AP4M1: variants seen among roughly 807,000 people sequenced by gnomAD.
AP4M1 encodes AP-4 complex subunit mu-1.
In AP4M1, 58 loss-of-function variants were observed where a neutral mutation model predicts 62.4. The ratio of observed to expected loss-of-function variants is 0.93; its 90% CI spans 0.75 to 1.16. AP4M1 has a LOEUF of 1.16. AP4M1 is among the 50% of genes most tolerant of loss of function. The pLI is 0.00. For synonymous variants in AP4M1, 290 were observed against 239.7 expected (o/e 1.21, Z -1.94); for missense variants, 626 against 585.4 (o/e 1.07, Z -0.72).
intron 2 of AP4M1, chr7:100,102,399 T>A: frequency 2.3e-6 from 1 of 432,186 alleles, no homozygotes; most frequent in Non-Finnish European, 4.0e-6. Context: ...TCGGGGTAGG[T>A]GGGGGTGGGG....
chr7:100,105,733 G>A (rs1020967242), intron 11 of AP4M1, among the ~76,000 whole-genome samples, 194 bp downstream of exon 11: 1 of 151,590 alleles, frequency 6.6e-6, no homozygotes, highest in East Asian at 1.9e-4. Flanking sequence ...GATCACTTGA[G>A]CCCAGGAGTT....
In AP4M1 at chr7:100,108,567, G is replaced by C; in HGVS notation, c.*1685G>C. ...TGCAGAACAGAAAAAAAGCCAGGTA[G>C]AGGGAGGGCTGGGGAAAAAAGCCAG... On this transcript the variant is annotated 3_prime_UTR_variant, in exon 15 of 15. Transcript: ENST00000359593. 1.3e-6 allele frequency: 2 copies of C among 1,574,038 alleles called. No homozygotes were observed. The highest frequency in any genetic ancestry group is 1.7e-6 in the Non-Finnish European group (2 of 1,155,470).
At position 100,107,696 on chromosome 7, in the gene AP4M1, C is replaced by A; in HGVS notation, c.*814C>A. 1 of 1,563,612 alleles carries A rather than the reference C, an allele frequency of 6.4e-7. No homozygotes were observed. Among genetic ancestry groups the A allele is most frequent in the Admixed American group, 2.0e-5 (1 of 49,428 alleles). ...CCCCAGAGGCCTGGCGAGGACGCTTCACTCGCTCCCTGCCTGAACAAGTTG... is the reference window on the plus strand; with the variant it reads ...CCCCAGAGGCCTGGCGAGGACGCTTAACTCGCTCCCTGCCTGAACAAGTTG... On this transcript the variant is annotated 3_prime_UTR_variant, in exon 15 of 15. Transcript: ENST00000359593.
At position 100,101,648 on chromosome 7, in the gene AP4M1, G is replaced by A; in HGVS notation, c.-67G>A. 6.7e-7 allele frequency: 1 copy of A among 1,495,472 alleles called. No individual in the cohort carries two copies. The highest frequency in any genetic ancestry group is 9.3e-7 in the Non-Finnish European group (1 of 1,073,842). The allele number at this position is 1,495,472 out of a possible 1,614,324, so 92.6% of individuals were successfully genotyped here. A position where few individuals can be genotyped will look rare whatever the true frequency, so the allele number is the denominator to read the frequency against. The stretch of plus-strand genomic sequence containing the variant: ...AGGGCCAGCGCACACGCGTTCTTTT[G>A]TTCCGGGGCCGCAGGGCGGGGCAGG... On this transcript the variant is annotated 5_prime_UTR_variant, in exon 1 of 15. Transcript: ENST00000359593.
At position 100,103,689 on chromosome 7, in the gene AP4M1, C is replaced by A; in HGVS notation, c.540C>A (p.Asp180Glu). ...ASRPVLSSRS[D>E]QSQKNEVFLD... Reference sequence around the variant, plus strand: ...GCCCCGTCCTGTCCAGTCGCTCTGACCAGGTGAGGGAAGGATCCATGGGGT... The same window carrying A: ...GCCCCGTCCTGTCCAGTCGCTCTGAACAGGTGAGGGAAGGATCCATGGGGT... The change falls in exon 6 of 15, where the codon GAC (aspartate) becomes GAA (glutamate). Residue 180 changes from aspartate (D) to glutamate (E), a missense_variant. By Grantham distance (45) the Asp-to-Glu change is conservative. Coordinates refer to ENST00000359593, the MANE Select transcript of AP4M1 (RefSeq NM_004722.4). The A allele has an allele frequency of 6.2e-7, 1 of 1,612,100 alleles. No individual in the cohort carries two copies. Among genetic ancestry groups the A allele is most frequent in the Non-Finnish European group, 8.5e-7 (1 of 1,179,920 alleles).
intron 11 of AP4M1, 67 bp downstream of exon 11, chr7:100,105,606 C>T: frequency 6.8e-7 from 1 of 1,473,436 alleles, no homozygotes; most frequent in South Asian, 1.1e-5. Context: ...GTTCCCAAGA[C>T]TCACTGCAGA....
At position 100,107,977 on chromosome 7, in the gene AP4M1, TGGA is replaced by T. The variant is rs1476082930; in HGVS notation, c.*1101_*1103del. The T allele has an allele frequency of 1.9e-6, 3 of 1,613,870 alleles. No individual in the cohort carries two copies. Among genetic ancestry groups the T allele is most frequent in the Admixed American group, 3.3e-5 (2 of 59,994 alleles). On this transcript the variant is annotated 3_prime_UTR_variant, in exon 15 of 15. Transcript: ENST00000359593. ...ACGATGACATTACAATAAACTTGGT[TGGA>T]GGAGGGGAAGGCTGTGGTGGGGCAG...
intron 2 of AP4M1, 76 bp downstream of exon 2, chr7:100,102,044 G>T: frequency 2.6e-6 from 4 of 1,518,716 alleles, no homozygotes; most frequent in Non-Finnish European, 3.6e-6. Context: ...CCCAGGACTG[G>T]TTCATTGGTA....
At chr7:100,102,152 G>A in intron 2 of AP4M1, 184 bp downstream of exon 2, 1 of 686,076 alleles carries the variant, frequency 1.5e-6, no homozygotes, top group Non-Finnish European at 2.6e-6. Context: ...AGACCGAGGC[G>A]GGCGGATCAC....
At chr7:100,103,763 C>A in intron 6 of AP4M1, 71 bp downstream of exon 6, 2 of 1,523,160 alleles carry the variant, frequency 1.3e-6, no homozygotes, top group South Asian at 2.2e-5. Flanking sequence ...GATCTTAGGT[C>A]GGGCACAGCG....
Position 100,104,072 on chromosome 7 carries a change from A to G in AP4M1, c.544-20A>G. 1 of 1,613,062 alleles carries G rather than the reference A, an allele frequency of 6.2e-7. No individual in the cohort carries two copies. The highest frequency in any genetic ancestry group is 8.5e-7 in the Non-Finnish European group (1 of 1,179,264). On this transcript the variant is annotated intron_variant, in intron 6 of 14. Coordinates refer to ENST00000359593, the MANE Select transcript of AP4M1 (RefSeq NM_004722.4). ...TAGGCTATTCTGCTTCCAACCACCC[A>G]AATTCTCTCTCTTTCTCAGAGCCAA...
In AP4M1 at chr7:100,107,921, C is replaced by T; in HGVS notation, c.*1039C>T. The T allele has an allele frequency of 1.2e-6, 2 of 1,603,004 alleles. No homozygotes were observed. The highest frequency in any genetic ancestry group is 2.2e-5 in the East Asian group (1 of 44,782). ...AGATGCTCCCTGTCCCACAGCTCTG[C>T]ATACCTGCTGGGTGGATGGGGCGCT... On this transcript the variant is annotated 3_prime_UTR_variant, in exon 15 of 15. Coordinates refer to ENST00000359593, the MANE Select transcript of AP4M1 (RefSeq NM_004722.4).
chr7:100,107,417 G>T lies in AP4M1; in HGVS notation c.*535G>T. 1.9e-6 allele frequency: 3 copies of T among 1,608,454 alleles called. No individual in the cohort carries two copies. The highest frequency in any genetic ancestry group is 2.2e-5 in the South Asian group (2 of 90,916). On this transcript the variant is annotated 3_prime_UTR_variant, in exon 15 of 15. Coordinates refer to ENST00000359593, the MANE Select transcript of AP4M1 (RefSeq NM_004722.4). ...GAGGAACTGGAGAAGGATGGGAGGT[G>T]GGGCCTCCTTTGCCCTCCCCTGTTG...
At chr7:100,101,307 C>A, upstream of AP4M1, 1 of 1,613,180 alleles carries the variant, frequency 6.2e-7, no homozygotes, top group Non-Finnish European at 8.5e-7. Context: ...CTGCCGAGGG[C>A]CGTGCGGCCG....
upstream of AP4M1, chr7:100,101,599 C>A: frequency 8.8e-7 from 1 of 1,141,622 alleles, no homozygotes. Context: ...CGAGCTGGCG[C>A]GGGCGGAGGA....
In AP4M1 at chr7:100,108,560, C is replaced by T. The variant is rs1373023844; in HGVS notation, c.*1678C>T. On this transcript the variant is annotated 3_prime_UTR_variant, in exon 15 of 15. Transcript: ENST00000359593. The stretch of plus-strand genomic sequence containing the variant: ...GTGTTTCTGCAGAACAGAAAAAAAG[C>T]CAGGTAGAGGGAGGGCTGGGGAAAA... 1 of 1,578,622 alleles carries T rather than the reference C, an allele frequency of 6.3e-7. No individual in the cohort carries two copies. Among genetic ancestry groups the T allele is most frequent in the South Asian group, 1.1e-5 (1 of 88,978 alleles).
rs190062610 is a variant in AP4M1, at chr7:100,104,284, G to A, written c.606+130G>A. On this transcript the variant is annotated intron_variant, in intron 7 of 14. Coordinates refer to ENST00000359593, the MANE Select transcript of AP4M1 (RefSeq NM_004722.4). ...TGTAATCCCAGTGCTTTGGGAGGCCGAGGTGGGAGAATTACTTGGGGCCAG... is the reference window on the plus strand; with the variant it reads ...TGTAATCCCAGTGCTTTGGGAGGCCAAGGTGGGAGAATTACTTGGGGCCAG... 5.1e-3 allele frequency: 4,059 copies of A among 803,548 alleles called. 29 individuals are homozygous for A. Among genetic ancestry groups the A allele is most frequent in the Admixed American group, 5.9e-3 (297 of 50,154 alleles). The allele number at this position is 803,548 out of a possible 1,614,324, so 49.8% of individuals were successfully genotyped here. A position where few individuals can be genotyped will look rare whatever the true frequency, so the allele number is the denominator to read the frequency against.
chr7:100,102,658 C>T lies in AP4M1; in HGVS notation c.148-17C>T, dbSNP rs771857785. On this transcript the variant is annotated splice_polypyrimidine_tract_variant and intron_variant, in intron 2 of 14. Transcript: ENST00000359593. ...TCCCTTTTTTTAACGCCTCTCTTCT[C>T]CCTGCCTGTGTCTCAGCATCACCAT... is the stretch of plus-strand genomic sequence containing the variant. 2.5e-6 allele frequency: 4 copies of T among 1,612,124 alleles called. No individual in the cohort carries two copies. The highest frequency in any genetic ancestry group is 3.4e-6 in the Non-Finnish European group (4 of 1,178,490).
In AP4M1 at chr7:100,108,284, CAT is replaced by C. The variant is rs1490221613; in HGVS notation, c.*1403_*1404del. On this transcript the variant is annotated 3_prime_UTR_variant, in exon 15 of 15. Coordinates refer to ENST00000359593, the MANE Select transcript of AP4M1 (RefSeq NM_004722.4). ...GCCCTGAGACTACTGACTGAGGGCA[CAT>C]GTGGCTGTGTGCAAGTGCCTGTCCC... 3.8e-5 allele frequency: 57 copies of C among 1,505,196 alleles called. No homozygotes were observed. Among genetic ancestry groups the C allele is most frequent in the Non-Finnish European group, 4.7e-5 (53 of 1,128,444 alleles). 93.2% of individuals were successfully genotyped at this position (1,505,196 alleles called of 1,614,324 possible).
Sources: allele counts gnomAD v4.1 joint callset (sites outside exome capture counted in the v4.1 genomes callset), GRCh38; gene constraint gnomAD v4.1.1; transcripts MANE v1.5; gene names NCBI Gene and HGNC (gene_info 2026-07-23, HGNC 2026-07-21).